The following PCDH11X variants were observed in gnomAD, a reference collection of about 807,000 sequenced individuals.
PCDH11X encodes protocadherin-11 X-linked.
A neutral mutation model predicts 53.3 loss-of-function variants in PCDH11X; 18 were observed. The observed-to-expected ratio is 0.34, with a 90% confidence interval of 0.23 to 0.50. The LOEUF is 0.50. Ranked by LOEUF, PCDH11X falls within the 20% of genes least tolerant of loss-of-function variation. PCDH11X has a pLI of 0.98. For missense variants in PCDH11X, 570 were observed against 1,032.4 expected (o/e 0.55, Z 6.14); for synonymous variants, 279 against 393.3 (o/e 0.71, Z 3.44).
chrX:91,971,965 G>A (rs748681404), intron 6 of PCDH11X, among the ~76,000 whole-genome samples: 2 of 111,533 alleles, frequency 1.8e-5, no homozygotes, highest in African/African-American at 3.3e-5. Context: ...ATTTTAATTA[G>A]ATACAAAAAA....
chrX:91,824,130 G>A (rs1383797616), intron 4 of PCDH11X, among the ~76,000 whole-genome samples: 5 of 111,213 alleles, frequency 4.5e-5, no homozygotes, highest in African/African-American at 1.3e-4. Context: ...TTTCAACTTT[G>A]ATGAATCTGA....
At chrX:92,445,391 T>A (rs1317518872) in intron 9 of PCDH11X, among the ~76,000 whole-genome samples, 2 of 102,298 alleles carry the variant, frequency 2.0e-5, no homozygotes, top group Non-Finnish European at 4.0e-5. Flanking sequence ...TCCCAGAGGA[T>A]CACGTATATT....
At chrX:92,147,963 C>CCCTT (rs750116403) in intron 6 of PCDH11X, among the ~76,000 whole-genome samples, 1,368 of 80,236 alleles carry the variant, frequency 0.017, 79 homozygotes, top group African/African-American at 0.074. Flanking sequence ...TTCCTTCTTT[C>CCCTT]CCTTCCTTCC....
At chrX:92,054,753 G>A (rs2063419046) in intron 6 of PCDH11X, among the ~76,000 whole-genome samples, 1 of 102,067 alleles carries the variant, frequency 9.8e-6, no homozygotes, top group Admixed American at 1.1e-4. Context: ...CCGGGAGGCA[G>A]AGGTTGCGGT....
chrX:91,953,597 GCT>G (rs1334633033), intron 6 of PCDH11X, among the ~76,000 whole-genome samples: 14 of 110,759 alleles, frequency 1.3e-4, no homozygotes, highest in African/African-American at 4.0e-4. Context: ...ACCACAAATT[GCT>G]ATCTACCTTT....
intron 10 of PCDH11X, among the ~76,000 whole-genome samples, chrX:92,491,542 C>A (rs1454327181): frequency 9.0e-6 from 1 of 110,778 alleles, no homozygotes; most frequent in African/African-American, 3.3e-5. Flanking sequence ...AAAACATTAA[C>A]CTACCCATCA....
intron 8 of PCDH11X, among the ~76,000 whole-genome samples, chrX:92,344,186 A>G (rs1466629564): frequency 1.9e-5 from 2 of 105,816 alleles, no homozygotes; most frequent in Non-Finnish European, 3.9e-5. Flanking sequence ...CCATAAATGA[A>G]TAATTTGTGA....
In PCDH11X at chrX:92,549,273, T is replaced by G. The variant is rs190707657; in HGVS notation, c.3368-68991T>G. Among the ~76,000 whole-genome samples, 650 of 108,310 alleles carry G rather than the reference T, an allele frequency of 6.0e-3. 3 individuals carry two copies. The highest frequency in any genetic ancestry group is 9.8e-3 in the Non-Finnish European group (510 of 52,098). The allele number at this position is 108,310 out of a possible 115,157, so 94.1% of individuals were successfully genotyped here. On this transcript the variant is annotated intron_variant, in intron 10 of 10. Transcript: ENST00000682573. Reference sequence around the variant, plus strand: ...ATTTAACTTAATGCCTTATATTGCCTTATTTTGTAGCACTCATTTATAATT... The same window carrying G: ...ATTTAACTTAATGCCTTATATTGCCGTATTTTGTAGCACTCATTTATAATT...
chrX:92,254,674 G>A (rs1401837892), intron 7 of PCDH11X, among the ~76,000 whole-genome samples: 10 of 108,217 alleles, frequency 9.2e-5, no homozygotes, highest in African/African-American at 3.4e-4. Flanking sequence ...TGTCTGTAAA[G>A]TATTTTATTT....
chrX:91,793,213 A>T (rs1358869784), intron 1 of PCDH11X, among the ~76,000 whole-genome samples: 1 of 109,066 alleles, frequency 9.2e-6, no homozygotes, highest in African/African-American at 3.3e-5. Flanking sequence ...AAGTTTTTCT[A>T]TTCTTAAAAT....
intron 7 of PCDH11X, among the ~76,000 whole-genome samples, chrX:92,225,545 T>C (rs935775376): frequency 1.8e-4 from 20 of 111,583 alleles, no homozygotes; most frequent in African/African-American, 5.8e-4. Flanking sequence ...AGTAATATGC[T>C]GTGTCCATGC....
rs536991898 is a variant in PCDH11X at position 91,903,851 on chromosome X, A to G, written c.3033+24578A>G. Among the ~76,000 whole-genome samples, 152 of 111,008 alleles carry G rather than the reference A, an allele frequency of 1.4e-3. 3 individuals are homozygous for G. The South Asian group carries it at 0.057, about 42-fold the overall frequency. On this transcript the variant is annotated intron_variant, in intron 6 of 10. Coordinates refer to ENST00000682573, the MANE Select transcript of PCDH11X (RefSeq NM_032968.5). The stretch of plus-strand genomic sequence containing the variant: ...AACAAAATAAGGGATAAGGGCCAGG[A>G]CTAGGGTAGTAGAGGTGGGAAATGA...
chrX:92,423,117 T>G (rs774976738), intron 9 of PCDH11X, among the ~76,000 whole-genome samples: 1,092 of 98,311 alleles, frequency 0.011, 26 homozygotes, highest in African/African-American at 0.034. Context: ...CCCAAAGTGC[T>G]GGGATTACAG....
chrX:91,842,774 AGT>A (rs2147636257), intron 5 of PCDH11X, among the ~76,000 whole-genome samples: 2 of 98,414 alleles, frequency 2.0e-5, no homozygotes, highest in East Asian at 6.4e-4. Context: ...TTGCAAAGTA[AGT>A]GTGAATTTTG....
At chrX:92,521,654 G>T (rs1432969544) in intron 10 of PCDH11X, among the ~76,000 whole-genome samples, 3 of 110,967 alleles carry the variant, frequency 2.7e-5, no homozygotes, top group African/African-American at 9.8e-5. Context: ...GCTAGGCATT[G>T]ACTTCTTTTC....
intron 6 of PCDH11X, among the ~76,000 whole-genome samples, chrX:91,898,195 T>C (rs1940821480): frequency 9.1e-6 from 1 of 109,402 alleles, no homozygotes; most frequent in Non-Finnish European, 1.9e-5. Context: ...AATCTTCTTA[T>C]AATATTACGA....
At chrX:92,328,209 A>T (rs1379027012) in intron 8 of PCDH11X, among the ~76,000 whole-genome samples, 1 of 111,120 alleles carries the variant, frequency 9.0e-6, no homozygotes, top group East Asian at 2.8e-4. Context: ...TAGCACAGGG[A>T]GAGGGAACCC....
intron 6 of PCDH11X, among the ~76,000 whole-genome samples, chrX:92,117,295 G>A (rs1427090723): frequency 9.1e-6 from 1 of 109,720 alleles, no homozygotes; most frequent in Non-Finnish European, 1.9e-5. Flanking sequence ...AATTAGCCGA[G>A]CATGGTGGCG....
chrX:91,786,730 G>T, intron 1 of PCDH11X, among the ~76,000 whole-genome samples: 1 of 97,438 alleles, frequency 1.0e-5, no homozygotes. Context: ...AGTTCCCGCT[G>T]ATGAAATCAG....
Sources: gnomAD v4.1 joint callset for allele counts (sites outside exome capture counted in the v4.1 genomes callset) on GRCh38, gnomAD v4.1.1 for gene constraint, MANE v1.5 for transcripts, NCBI Gene and HGNC (gene_info 2026-07-23, HGNC 2026-07-21) for gene names.